Variants in MAD2L1BP observed in about 807,000 individuals in gnomAD.
MAD2L1BP encodes MAD2L1 binding protein, also known as MAD2L1-binding protein.
MAD2L1BP carries 22 observed loss-of-function variants against 28.4 expected under a neutral mutation model. The observed-to-expected ratio is 0.77, with a 90% confidence interval of 0.55 to 1.10. The LOEUF (loss-of-function observed/expected upper bound fraction) is 1.10, where lower values mean the gene tolerates loss of function less well. Among genes scored for constraint, MAD2L1BP ranks in the 50% least tolerant of loss-of-function variants. The pLI is 0.00. For missense variants in MAD2L1BP, 325 were observed against 350.5 expected (o/e 0.93, Z 0.58); for synonymous variants, 146 against 133.7 (o/e 1.09, Z -0.63).
intron 1 of MAD2L1BP, among the ~76,000 whole-genome samples, 190 bp from the exon 2 acceptor site, chr6:43,636,191 A>G (rs540928721): frequency 6.6e-6 from 1 of 152,128 alleles, no homozygotes; most frequent in Admixed American, 6.5e-5. Context: ...AGTCGATTAA[A>G]TCTCCTCAGG....
rs543481224 is a variant in MAD2L1BP at position 43,640,406 on chromosome 6, G to A, written c.698G>A (p.Arg233Gln). 38 of 1,613,818 alleles carry A rather than the reference G, an allele frequency of 2.4e-5. No homozygotes were observed. The highest frequency in any genetic ancestry group is 2.8e-5 in the Non-Finnish European group (33 of 1,180,030). Reference protein sequence around the residue: ...EDWFRPKLNYRVPSRGHKLTV... With the variant: ...EDWFRPKLNYQVPSRGHKLTV... The stretch of plus-strand genomic sequence containing the variant: ...TGGTTTCGACCCAAGCTCAACTATC[G>A]AGTGCCCAGCCGGGGCCATAAACTG... Residue 233 changes from arginine to glutamine, a missense_variant, in exon 3 of 3, where the codon CGA (arginine) becomes CAA (glutamine). Coordinates refer to ENST00000372171, the MANE Select transcript of MAD2L1BP (RefSeq NM_014628.3).
chr6:43,636,314 G>A, intron 1 of MAD2L1BP, 67 bp from the exon 2 acceptor site: 1 of 1,553,854 alleles, frequency 6.4e-7, no homozygotes, highest in Non-Finnish European at 8.8e-7. Context: ...CGGCCACAGG[G>A]AATGAGAAGA....
At chr6:43,637,175 A>C (rs1770275921) in intron 2 of MAD2L1BP, among the ~76,000 whole-genome samples, 2 of 148,524 alleles carry the variant, frequency 1.3e-5, no homozygotes, top group African/African-American at 5.0e-5. Context: ...AGCGATTCTC[A>C]TGCCTCAGCC....
upstream of MAD2L1BP, among the ~76,000 whole-genome samples, chr6:43,635,032 T>G (rs912059634): frequency 3.3e-5 from 5 of 152,180 alleles, no homozygotes; most frequent in African/African-American, 1.2e-4. Flanking sequence ...CTAACTGGTA[T>G]CCCTGCCTCC....
At chr6:43,639,233 G>C (rs560505555) in intron 2 of MAD2L1BP, among the ~76,000 whole-genome samples, 1 of 151,986 alleles carries the variant, frequency 6.6e-6, no homozygotes, top group African/African-American at 2.4e-5. Context: ...TCTGCCTCCT[G>C]GGTTCAGGCT....
intron 2 of MAD2L1BP, among the ~76,000 whole-genome samples, chr6:43,637,552 A>C (rs1770309559): frequency 6.7e-6 from 1 of 150,308 alleles, no homozygotes; most frequent in Non-Finnish European, 1.5e-5. Context: ...CAGCCTCCCC[A>C]GTAGCTGGGA....
chr6:43,635,189 G>A (rs1207020497), upstream of MAD2L1BP, among the ~76,000 whole-genome samples: 1 of 152,122 alleles, frequency 6.6e-6, no homozygotes, highest in Non-Finnish European at 1.5e-5. Context: ...AAACTCTCAC[G>A]TGGCTTATAC....
At chr6:43,637,487 A>G (rs1332619800) in intron 2 of MAD2L1BP, among the ~76,000 whole-genome samples, 1 of 138,932 alleles carries the variant, frequency 7.2e-6, no homozygotes, top group Non-Finnish European at 1.5e-5. Flanking sequence ...GGACAGTGGC[A>G]TGATCGCAGC....
chr6:43,640,594 A>T lies in MAD2L1BP; in HGVS notation c.*61A>T, dbSNP rs1561932369. 2.0e-6 allele frequency: 3 copies of T among 1,499,384 alleles called. No homozygotes were observed. Among genetic ancestry groups the T allele is most frequent in the Middle Eastern group, 1.8e-4 (1 of 5,604 alleles). The allele number at this position is 1,499,384 out of a possible 1,614,324, so 92.9% of individuals were successfully genotyped here. On this transcript the variant is annotated 3_prime_UTR_variant, in exon 3 of 3. Transcript: ENST00000372171. ...AATTATCTTTCTCCATGTGGCGCTGAATCACCCATCTGGTTTGGAGCTAGA... is the reference window on the plus strand; with the variant it reads ...AATTATCTTTCTCCATGTGGCGCTGTATCACCCATCTGGTTTGGAGCTAGA...
intron 2 of MAD2L1BP, among the ~76,000 whole-genome samples, chr6:43,637,854 C>T (rs1467882011): frequency 1.3e-5 from 2 of 152,002 alleles, no homozygotes; most frequent in Non-Finnish European, 2.9e-5. Flanking sequence ...CTGCCTCAGC[C>T]TCCCAAAGTG....
intron 2 of MAD2L1BP, among the ~76,000 whole-genome samples, chr6:43,638,320 C>T (rs1326787885): frequency 6.6e-6 from 1 of 151,622 alleles, no homozygotes; most frequent in African/African-American, 2.4e-5. Context: ...GTTGGGATTA[C>T]AGGTGTGAGC....
At chr6:43,637,774 T>G (rs1406638661) in intron 2 of MAD2L1BP, among the ~76,000 whole-genome samples, 1 of 152,016 alleles carries the variant, frequency 6.6e-6, no homozygotes, top group Non-Finnish European at 1.5e-5. Flanking sequence ...AATTTTTGTA[T>G]TTTTAGTATA....
At chr6:43,630,908 C>CAAAAAAA (rs753239311), upstream of MAD2L1BP, among the ~76,000 whole-genome samples, 18 of 53,520 alleles carry the variant, frequency 3.4e-4, 1 homozygote, top group African/African-American at 6.8e-4. Flanking sequence ...GACTTCGTCT[C>CAAAAAAA]AAAAAAAAAA....
chr6:43,629,883 C>A, intron 1 of MAD2L1BP: 1 of 1,319,544 alleles, frequency 7.6e-7, no homozygotes. Context: ...TATTACCAGG[C>A]TGGCACCGTC....
chr6:43,636,356 T>C (rs763097734), intron 1 of MAD2L1BP, 25 bp from the exon 2 acceptor site: 3 of 1,611,916 alleles, frequency 1.9e-6, no homozygotes, highest in Non-Finnish European at 2.5e-6. Flanking sequence ...AATTTTTCTC[T>C]CTTGTCCCTC....
upstream of MAD2L1BP, among the ~76,000 whole-genome samples, chr6:43,631,777 C>T (rs2127855014): frequency 6.6e-6 from 1 of 151,834 alleles, no homozygotes; most frequent in South Asian, 2.1e-4. Context: ...TGAGCTGCCA[C>T]ACCTGACCTA....
At chr6:43,630,177 CAG>C (rs1344376558) in intron 1 of MAD2L1BP, among the ~76,000 whole-genome samples, 1 of 152,228 alleles carries the variant, frequency 6.6e-6, no homozygotes, top group Non-Finnish European at 1.5e-5. Flanking sequence ...CCTAGGGCCA[CAG>C]GGGATTTTTG....
At chr6:43,631,156 A>G (rs1489257776), upstream of MAD2L1BP, among the ~76,000 whole-genome samples, 2 of 152,188 alleles carry the variant, frequency 1.3e-5, no homozygotes, top group African/African-American at 4.8e-5. Context: ...CAAAATCTGC[A>G]AAAGGGCCTA....
rs1770177729 is a variant in MAD2L1BP, at chr6:43,635,843, C to G, written c.-33C>G. 2.0e-6 allele frequency: 3 copies of G among 1,463,838 alleles called. No homozygotes were observed. The highest frequency in any genetic ancestry group is 2.7e-6 in the Non-Finnish European group (3 of 1,112,892). The allele number at this position is 1,463,838 out of a possible 1,614,324, so 90.7% of individuals were successfully genotyped here. A position where few individuals can be genotyped will look rare whatever the true frequency, so the allele number is the denominator to read the frequency against. Reference sequence around the variant, plus strand: ...CATGATGCCCCGCGAGACCTTTATTCTAACCGCAAGGAGTAGCGGAGGGGA... The same window carrying G: ...CATGATGCCCCGCGAGACCTTTATTGTAACCGCAAGGAGTAGCGGAGGGGA... On this transcript the variant is annotated 5_prime_UTR_variant, in exon 1 of 3. Transcript: ENST00000372171.
Sources: gnomAD v4.1 joint callset for allele counts (sites outside exome capture counted in the v4.1 genomes callset) on GRCh38, gnomAD v4.1.1 for gene constraint, MANE v1.5 for transcripts, NCBI Gene and HGNC (gene_info 2026-07-23, HGNC 2026-07-21) for gene names.